Variants in EXOC6 observed in about 807,000 individuals in gnomAD.
The protein encoded by EXOC6 is exocyst complex component 6, also known as SEC15-like 1.
EXOC6 carries 60 observed loss-of-function variants against 112.5 expected under a neutral mutation model. The ratio of observed to expected loss-of-function variants is 0.53; its 90% CI spans 0.43 to 0.66. The LOEUF (loss-of-function observed/expected upper bound fraction) is 0.66, where lower values mean the gene tolerates loss of function less well. Among genes scored for constraint, EXOC6 ranks in the 30% least tolerant of loss-of-function variants. EXOC6 has a pLI of 0.00. For synonymous variants in EXOC6, 295 were observed against 308.0 expected (o/e 0.96, Z 0.44); for missense variants, 855 against 957.1 (o/e 0.89, Z 1.41).
intron 1 of EXOC6, among the ~76,000 whole-genome samples, chr10:92,850,134 T>A (rs1334345567): frequency 6.6e-6 from 1 of 152,206 alleles, no homozygotes; most frequent in Non-Finnish European, 1.5e-5. Flanking sequence ...GTTACTAGAG[T>A]AGTTTATTTG....
At chr10:92,925,119 T>C (rs1851643095) in intron 8 of EXOC6, among the ~76,000 whole-genome samples, 1 of 152,216 alleles carries the variant, frequency 6.6e-6, no homozygotes, top group Non-Finnish European at 1.5e-5. Context: ...TTTATTATGC[T>C]CCTTACTTCA....
chr10:92,966,381 C>T (rs1175530764), intron 17 of EXOC6, among the ~76,000 whole-genome samples: 1 of 147,858 alleles, frequency 6.8e-6, no homozygotes, highest in Non-Finnish European at 1.5e-5. Flanking sequence ...TGGTGTGCTG[C>T]ACCCATTAAC....
In EXOC6 at chr10:92,997,534, C is replaced by T; in HGVS notation, c.2014C>T (p.Gln672Ter). The T allele has an allele frequency of 6.2e-7, 1 of 1,613,370 alleles. No individual in the cohort carries two copies. The highest frequency in any genetic ancestry group is 1.1e-5 in the South Asian group (1 of 90,968). The part of the protein sequence containing the change: ...ACQHLSTSLM[Q>*]MLLDSELKQI... ...CCAGCATCTGTCAACATCCTTAATG[C>T]AGATGCTACTGGACAGTGAGTTAAA... Residue 672 changes from glutamine to a stop codon, truncating the protein, a stop_gained, in exon 19 of 22, where the codon CAG (glutamine) becomes TAG (stop). Transcript: ENST00000260762. LOFTEE classifies it high-confidence loss of function.
intron 20 of EXOC6, among the ~76,000 whole-genome samples, chr10:93,052,759 A>G (rs1344384884): frequency 1.3e-5 from 2 of 152,148 alleles, no homozygotes; most frequent in Admixed American, 6.5e-5. Context: ...CTTAATACCA[A>G]TTTTCATTAT....
chr10:92,885,983 ATG>A (rs1849195540), intron 1 of EXOC6, among the ~76,000 whole-genome samples: 1 of 152,192 alleles, frequency 6.6e-6, no homozygotes, highest in South Asian at 2.1e-4. Flanking sequence ...GCATATAAAT[ATG>A]TGTGTGTTTG....
chr10:92,961,364 T>A (rs1174799265), intron 17 of EXOC6, among the ~76,000 whole-genome samples: 1 of 152,186 alleles, frequency 6.6e-6, no homozygotes, highest in Non-Finnish European at 1.5e-5. Flanking sequence ...ACCACCAACT[T>A]CTTTTCTGGT....
At chr10:93,046,864 C>T (rs1846022767) in intron 20 of EXOC6, among the ~76,000 whole-genome samples, 1 of 152,216 alleles carries the variant, frequency 6.6e-6, no homozygotes, top group African/African-American at 2.4e-5. Flanking sequence ...TCCCAAAGTG[C>T]TGGGATTACA....
rs748113819 is a variant in EXOC6, at chr10:93,056,927, C to T, written c.2173C>T (p.Leu725Phe). ...QLAFIDLRQL[L>F]DLFMVWDWST... ...ACATTTCCCCCATCTTTCGCAGCTC[C>T]TTGACCTGTTTATGGTTTGGGATTG... Residue 725 changes from leucine to phenylalanine, a missense_variant, in exon 21 of 22, where the codon CTT (leucine) becomes TTT (phenylalanine). By Grantham distance (22) the Leu-to-Phe change is conservative. Around this residue, in one of 2 missense-constraint regions of EXOC6, gnomAD observed 450 missense variants for 563.5 expected, o/e 0.80. Coordinates refer to ENST00000260762, the MANE Select transcript of EXOC6 (RefSeq NM_019053.6). The T allele has an allele frequency of 3.2e-6, 5 of 1,585,140 alleles. No homozygotes were observed. Among genetic ancestry groups the T allele is most frequent in the Non-Finnish European group, 3.4e-6 (4 of 1,164,760 alleles).
At chr10:93,050,334 T>G (rs1475611308) in intron 20 of EXOC6, among the ~76,000 whole-genome samples, 1 of 151,010 alleles carries the variant, frequency 6.6e-6, no homozygotes, top group Non-Finnish European at 1.5e-5. Context: ...GTGGATCACT[T>G]GAGGCCAGGA....
chr10:93,029,272 C>T (rs1208462144), intron 20 of EXOC6, among the ~76,000 whole-genome samples: 3 of 152,174 alleles, frequency 2.0e-5, no homozygotes, highest in Admixed American at 6.5e-5. Context: ...CTTTCATTTA[C>T]ACTGGGTAAC....
chr10:92,886,901 C>G, intron 1 of EXOC6, among the ~76,000 whole-genome samples: 1 of 152,176 alleles, frequency 6.6e-6, no homozygotes, highest in Middle Eastern at 3.2e-3. Context: ...TGTTTTTATA[C>G]TTAATGAGAT....
rs1843061402 is a variant in EXOC6 at position 92,987,635 on chromosome 10, C to CT, written c.1954-9839_1954-9838insT. 3 of 984,790 alleles carry CT rather than the reference C, an allele frequency of 3.0e-6. No individual in the cohort carries two copies. In the Admixed American group the frequency reaches 1.8e-4, roughly 61 times the overall value. 61.0% of individuals were successfully genotyped at this position (984,790 alleles called of 1,614,324 possible). A position where few individuals can be genotyped will look rare whatever the true frequency, so the allele number is the denominator to read the frequency against. On this transcript the variant is annotated intron_variant, in intron 18 of 21. Transcript: ENST00000260762. ...CAGACTAACAACAATGATCATGCAG[C>CT]CATGTCGGTAAGTAGATATAAACTA...
chr10:92,870,379 T>C (rs1019006438), intron 1 of EXOC6, among the ~76,000 whole-genome samples: 1 of 152,198 alleles, frequency 6.6e-6, no homozygotes, highest in African/African-American at 2.4e-5. Flanking sequence ...TCTATGGAGA[T>C]GGTCATAGGA....
intron 5 of EXOC6, among the ~76,000 whole-genome samples, chr10:92,903,633 T>A (rs191440058): frequency 1.2e-3 from 183 of 148,532 alleles, no homozygotes; most frequent in African/African-American, 4.5e-3. Context: ...TTGCTTTTTT[T>A]TTATTTAATA....
chr10:93,058,121 G>T, intron 21 of EXOC6, 102 bp from the exon 22 acceptor site: 2 of 1,012,866 alleles, frequency 2.0e-6, no homozygotes, highest in Non-Finnish European at 2.9e-6. Context: ...TCAAGCATAG[G>T]ATTAGTGTGG....
intron 19 of EXOC6, among the ~76,000 whole-genome samples, chr10:93,006,622 C>T (rs543882021): frequency 2.5e-4 from 38 of 152,292 alleles, no homozygotes; most frequent in African/African-American, 8.9e-4. Flanking sequence ...ATAAGTTCTT[C>T]ACCACCAGAA....
At chr10:93,031,252 C>CT (rs1455994743) in intron 20 of EXOC6, among the ~76,000 whole-genome samples, 1 of 147,800 alleles carries the variant, frequency 6.8e-6, no homozygotes, top group African/African-American at 2.5e-5. Context: ...TTAAAGAATA[C>CT]TTTAAAAAAA....
chr10:92,914,469 C>CTGT (rs1850972343), intron 6 of EXOC6, among the ~76,000 whole-genome samples: 1 of 152,072 alleles, frequency 6.6e-6, no homozygotes, highest in African/African-American at 2.4e-5. Context: ...AACTTAGAAC[C>CTGT]CTTTTTTCAA....
chr10:92,948,011 T>C (rs1449707233), intron 13 of EXOC6, among the ~76,000 whole-genome samples: 1 of 152,222 alleles, frequency 6.6e-6, no homozygotes, highest in African/African-American at 2.4e-5. Context: ...TTGAGAATTA[T>C]TCTAGAATGG....
Sources: allele counts gnomAD v4.1 joint callset (sites outside exome capture counted in the v4.1 genomes callset), GRCh38; gene constraint gnomAD v4.1.1; regional missense constraint gnomAD v4.1.1; transcripts MANE v1.5; gene names NCBI Gene and HGNC (gene_info 2026-07-23, HGNC 2026-07-21).